Variants in GRM8 observed in about 807,000 individuals in gnomAD.
GRM8 encodes metabotropic glutamate receptor 8.
A neutral mutation model predicts 87.2 loss-of-function variants in GRM8; 47 were observed. The observed-to-expected ratio is 0.54, with a 90% confidence interval of 0.43 to 0.69. The LOEUF (loss-of-function observed/expected upper bound fraction) is 0.69. GRM8 is among the 30% of genes least tolerant of loss of function. The probability of loss-of-function intolerance (pLI) is 0.00; values close to 1 mark genes in which losing one functional copy is unlikely to be tolerated. For missense variants in GRM8, 1,019 were observed against 1,139.2 expected, an observed-to-expected ratio of 0.89 and a Z score of 1.52; for synonymous variants, 396 against 404.5, an observed-to-expected ratio of 0.98 and a Z score of 0.25.
intron 8 of GRM8, among the ~76,000 whole-genome samples, chr7:126,576,859 C>A (rs1239995648): frequency 6.6e-6 from 1 of 152,168 alleles, no homozygotes; most frequent in Admixed American, 6.5e-5. Flanking sequence ...ACCAGACTTA[C>A]ACTTACAGCC....
intron 3 of GRM8, among the ~76,000 whole-genome samples, chr7:126,909,757 C>T (rs1194294427): frequency 6.6e-6 from 1 of 152,096 alleles, no homozygotes. Flanking sequence ...CTCAATGACA[C>T]CATCTCTATT....
chr7:126,493,386 G>A (rs1808283848), intron 9 of GRM8, among the ~76,000 whole-genome samples: 1 of 152,040 alleles, frequency 6.6e-6, no homozygotes, highest in Non-Finnish European at 1.5e-5. Context: ...ATGAGGCTTA[G>A]GCGGTTCTGG....
intron 3 of GRM8, among the ~76,000 whole-genome samples, chr7:126,916,790 A>G (rs1192299585): frequency 1.3e-5 from 2 of 152,204 alleles, no homozygotes; most frequent in African/African-American, 4.8e-5. Flanking sequence ...TACAATGACC[A>G]TGGTACGGCA....
intron 10 of GRM8, among the ~76,000 whole-genome samples, chr7:126,441,050 A>G (rs1801418637): frequency 6.6e-6 from 1 of 152,086 alleles, no homozygotes; most frequent in Non-Finnish European, 1.5e-5. Flanking sequence ...AATATTTTTT[A>G]CTACCTAAGT....
chr7:126,826,949 C>A (rs574676710), intron 6 of GRM8, among the ~76,000 whole-genome samples: 51 of 152,294 alleles, frequency 3.3e-4, no homozygotes, highest in Non-Finnish European at 6.2e-4. Flanking sequence ...CCAGTTTTCC[C>A]AGCACCGTTT....
chr7:127,041,015 G>A (rs984311796), intron 3 of GRM8, among the ~76,000 whole-genome samples: 2 of 152,208 alleles, frequency 1.3e-5, no homozygotes, highest in Admixed American at 1.3e-4. Flanking sequence ...TCATGTTTGA[G>A]AAATAAATAA....
chr7:126,711,330 G>T (rs1173147681), intron 7 of GRM8, among the ~76,000 whole-genome samples: 1 of 152,152 alleles, frequency 6.6e-6, no homozygotes, highest in Non-Finnish European at 1.5e-5. Flanking sequence ...TGGGTGACCA[G>T]GTATATTTTC....
intron 3 of GRM8, among the ~76,000 whole-genome samples, chr7:127,034,360 C>A (rs529502163): frequency 6.6e-6 from 1 of 152,186 alleles, no homozygotes; most frequent in East Asian, 1.9e-4. Flanking sequence ...GAGTTTATGA[C>A]CCTTGAGCAG....
intron 1 of GRM8, chr7:127,251,166 C>G (rs545680613): frequency 6.6e-6 from 1 of 152,128 alleles, no homozygotes; most frequent in African/African-American, 2.4e-5. Context: ...TGTTTTCACC[C>G]CCGCTATCTT....
chr7:126,749,192 C>T (rs992691717), intron 7 of GRM8, among the ~76,000 whole-genome samples: 1 of 151,994 alleles, frequency 6.6e-6, no homozygotes, highest in African/African-American at 2.4e-5. Context: ...GCAGGAGAAT[C>T]GCTTGAACCG....
chr7:126,745,692 T>G (rs951582442), intron 7 of GRM8, among the ~76,000 whole-genome samples: 6 of 151,770 alleles, frequency 4.0e-5, no homozygotes, highest in Non-Finnish European at 8.9e-5. Context: ...GCTTCATTCT[T>G]TTCTATTCTG....
chr7:127,192,742 G>A (rs1795089648), intron 2 of GRM8, among the ~76,000 whole-genome samples: 1 of 152,182 alleles, frequency 6.6e-6, no homozygotes, highest in African/African-American at 2.4e-5. Context: ...AAAACAAAAT[G>A]TCTAATCATG....
intron 3 of GRM8, among the ~76,000 whole-genome samples, chr7:126,976,595 AAAC>A (rs948043299): frequency 2.0e-5 from 3 of 152,164 alleles, no homozygotes; most frequent in Non-Finnish European, 4.4e-5. Flanking sequence ...CTCTGTCTCA[AAAC>A]AACAACAACA....
intron 2 of GRM8, among the ~76,000 whole-genome samples, chr7:127,112,579 T>C (rs182853226): frequency 1.4e-4 from 21 of 152,364 alleles, no homozygotes; most frequent in Admixed American, 4.6e-4. Context: ...CTTTGAAATA[T>C]TTTTCTATAA....
intron 9 of GRM8, among the ~76,000 whole-genome samples, chr7:126,461,359 C>T (rs1349475557): frequency 6.6e-6 from 1 of 151,488 alleles, no homozygotes; most frequent in East Asian, 1.9e-4. Flanking sequence ...GTACTCCTAA[C>T]CCACAACCAC....
At chr7:126,592,789 A>C (rs1205000431) in intron 8 of GRM8, among the ~76,000 whole-genome samples, 2 of 151,876 alleles carry the variant, frequency 1.3e-5, no homozygotes, top group Admixed American at 1.3e-4. Flanking sequence ...TTCAGTACAT[A>C]CTGGAGGTCA....
At chr7:126,486,189 GACC>G (rs1475047249) in intron 9 of GRM8, among the ~76,000 whole-genome samples, 3 of 152,000 alleles carry the variant, frequency 2.0e-5, no homozygotes, top group African/African-American at 7.2e-5. Context: ...CGTGGTAAGA[GACC>G]ACCAACCACT....
chr7:126,913,769 C>T (rs1431427364), intron 3 of GRM8, among the ~76,000 whole-genome samples: 1 of 152,168 alleles, frequency 6.6e-6, no homozygotes, highest in East Asian at 1.9e-4. Flanking sequence ...TTTTCGCCTC[C>T]TCATGTGGCG....
At chr7:126,946,015 T>C (rs892831438) in intron 3 of GRM8, among the ~76,000 whole-genome samples, 2 of 152,220 alleles carry the variant, frequency 1.3e-5, no homozygotes, top group African/African-American at 2.4e-5. Context: ...TCAATTAATG[T>C]CCTTCCTACA....
Sources: allele counts gnomAD v4.1 joint callset (sites outside exome capture counted in the v4.1 genomes callset), GRCh38; gene constraint gnomAD v4.1.1; transcripts MANE v1.5; gene names NCBI Gene and HGNC (gene_info 2026-07-23, HGNC 2026-07-21).